Variants in ANKRD31 observed in about 807,000 individuals in gnomAD.
ANKRD31 encodes ankyrin repeat domain 31.
In ANKRD31, 147 loss-of-function variants were observed where a neutral mutation model predicts 186.0. The ratio of observed to expected loss-of-function variants is 0.79; its 90% CI spans 0.69 to 0.91. The LOEUF (loss-of-function observed/expected upper bound fraction) is 0.91, where lower values mean the gene tolerates loss of function less well. Among genes scored for constraint, ANKRD31 ranks in the 40% least tolerant of loss-of-function variants. The pLI is 0.00. For synonymous variants in ANKRD31, 673 were observed against 736.4 expected (o/e 0.91, Z 1.39); for missense variants, 1,986 against 2,148.8 (o/e 0.92, Z 1.50).
Position 75,104,275 on chromosome 5 carries a change from G to A in ANKRD31, c.5284C>T (p.Leu1762=). The change falls in exon 22 of 26, where the codon CTA becomes TTA. Residue 1762 remains leucine, a synonymous_variant. Transcript: ENST00000506364. Reference sequence around the variant, plus strand: ...TTATTTCCTGGGTTAATTCTTCCTAGTAATATCAAATCTTTTATCTGAATA... The same window carrying A: ...TTATTTCCTGGGTTAATTCTTCCTAATAATATCAAATCTTTTATCTGAATA... ...KCIQIKDLIL[L]GRINPGNNIL... is the part of the protein sequence containing the mutation. The A allele has an allele frequency of 3.9e-6, 6 of 1,531,332 alleles. No homozygotes were observed. The highest frequency in any genetic ancestry group is 5.2e-6 in the Non-Finnish European group (6 of 1,143,956). 94.9% of individuals were successfully genotyped at this position (1,531,332 alleles called of 1,614,324 possible). A position where few individuals can be genotyped will look rare whatever the true frequency, so the allele number is the denominator to read the frequency against.
At chr5:75,081,718 C>CACAG (rs149529586) in intron 24 of ANKRD31, among the ~76,000 whole-genome samples, 21 of 136,460 alleles carry the variant, frequency 1.5e-4, no homozygotes, top group Non-Finnish European at 2.7e-4. Flanking sequence ...GAGAGAGAGA[C>CACAG]AGAGAGAGAG....
At chr5:75,113,523 A>G (rs1747946047) in intron 19 of ANKRD31, among the ~76,000 whole-genome samples, 1 of 152,170 alleles carries the variant, frequency 6.6e-6, no homozygotes, top group African/African-American at 2.4e-5. Context: ...ATATGGTTTC[A>G]ACATTGTGGG....
rs536156544 is a variant in ANKRD31, at chr5:75,203,673, A to AGAAAAG, written c.403+2737_403+2738insCTTTTC. Among the ~76,000 whole-genome samples, 4 of 148,330 alleles carry AGAAAAG rather than the reference A, an allele frequency of 2.7e-5. No homozygotes were observed. In the East Asian group the frequency reaches 7.9e-4, roughly 29 times the overall value. ...GAGAGGATCCATCTCAAAAAAAAAA[A>AGAAAAG]AAAAGAAAAGAAAAGAAAAGAAAAG... On this transcript the variant is annotated intron_variant, in intron 5 of 25. Coordinates refer to ENST00000506364, the MANE Select transcript of ANKRD31 (RefSeq NM_001372053.1).
chr5:75,205,496 A>C (rs79322986), intron 5 of ANKRD31, among the ~76,000 whole-genome samples: 2,778 of 150,630 alleles, frequency 0.018, 37 homozygotes, highest in Non-Finnish European at 0.029. Flanking sequence ...ACCCTTTAAG[A>C]ATCCCTGGTT....
At chr5:75,106,541 C>A (rs904740254) in intron 21 of ANKRD31, among the ~76,000 whole-genome samples, 4 of 152,008 alleles carry the variant, frequency 2.6e-5, no homozygotes, top group African/African-American at 9.7e-5. Flanking sequence ...GGAGTTCAGA[C>A]ACAAAACTTA....
chr5:75,084,485 G>T, intron 23 of ANKRD31, 111 bp from the exon 24 acceptor site: 1 of 848,580 alleles, frequency 1.2e-6, no homozygotes, highest in Non-Finnish European at 1.9e-6. Context: ...GTATGTTGTG[G>T]ATTAGCAAGC....
At chr5:75,145,852 G>A in intron 14 of ANKRD31, 135 bp downstream of exon 14, 1 of 712,686 alleles carries the variant, frequency 1.4e-6, no homozygotes, top group East Asian at 2.9e-5. Flanking sequence ...AGGTTTAGTG[G>A]CATCTCAAAA....
intron 15 of ANKRD31, among the ~76,000 whole-genome samples, chr5:75,140,227 G>GA (rs1223495918): frequency 1.7e-4 from 20 of 115,576 alleles, no homozygotes; most frequent in Admixed American, 2.7e-4. Flanking sequence ...GAAAAGAAAA[G>GA]AAAGAAAGAA....
intron 10 of ANKRD31, among the ~76,000 whole-genome samples, chr5:75,178,279 A>C (rs1022054422): frequency 2.0e-5 from 3 of 152,214 alleles, no homozygotes; most frequent in Non-Finnish European, 4.4e-5. Context: ...CCACACATTA[A>C]TAATGGGAGA....
At chr5:75,173,084 T>C (rs1753477942) in intron 10 of ANKRD31, among the ~76,000 whole-genome samples, 1 of 152,144 alleles carries the variant, frequency 6.6e-6, no homozygotes, top group African/African-American at 2.4e-5. Flanking sequence ...TGGTTCAACA[T>C]ATGCAAATCA....
At chr5:75,139,035 T>C (rs1257802548) in intron 15 of ANKRD31, 52 bp from the exon 16 acceptor site, 1 of 1,521,314 alleles carries the variant, frequency 6.6e-7, no homozygotes, top group Non-Finnish European at 8.8e-7. Flanking sequence ...CTGATTGTTA[T>C]AAAGGATCTT....
At chr5:75,177,158 T>C (rs947429527) in intron 10 of ANKRD31, among the ~76,000 whole-genome samples, 5 of 151,712 alleles carry the variant, frequency 3.3e-5, no homozygotes, top group Non-Finnish European at 7.4e-5. Context: ...ATGAATGAAA[T>C]GAAGTGTGAA....
Position 75,146,452 on chromosome 5 carries a change from C to T in ANKRD31, c.2959G>A (p.Ala987Thr). 2.0e-6 allele frequency: 3 copies of T among 1,536,366 alleles called. No homozygotes were observed. The highest frequency in any genetic ancestry group is 2.6e-6 in the Non-Finnish European group (3 of 1,146,428). ...SDNAVISEHV[A>T]NYEQCIFGPS... ...CCAAATATGCATTGTTCATAATTTG[C>T]AACATGTTCAGAAATAACTGCATTA... The change falls in exon 14 of 26, where the codon GCA becomes ACA. Residue 987 changes from alanine to threonine, a missense_variant. Ala to Thr is a moderately conservative substitution (Grantham distance 58). Transcript: ENST00000506364.
chr5:75,222,492 T>A (rs1580588384), intron 2 of ANKRD31, 134 bp from the exon 3 acceptor site: 1 of 640,828 alleles, frequency 1.6e-6, no homozygotes, highest in South Asian at 2.2e-5. Context: ...TCATTTCTTC[T>A]AAAAAAAAAC....
intron 10 of ANKRD31, among the ~76,000 whole-genome samples, chr5:75,182,187 T>G (rs1036407886): frequency 6.6e-6 from 1 of 152,204 alleles, no homozygotes; most frequent in Non-Finnish European, 1.5e-5. Flanking sequence ...TTGTTTCTTA[T>G]AGAAGGTATG....
Position 75,146,455 on chromosome 5 carries a change from C to T in ANKRD31, c.2956G>A (p.Val986Ile). ...YSDNAVISEH[V>I]ANYEQCIFGP... ...AATATGCATTGTTCATAATTTGCAACATGTTCAGAAATAACTGCATTATCT... is the reference window on the plus strand; with the variant it reads ...AATATGCATTGTTCATAATTTGCAATATGTTCAGAAATAACTGCATTATCT... The change falls in exon 14 of 26, where the codon GTT becomes ATT. Residue 986 changes from valine to isoleucine, a missense_variant. Coordinates refer to ENST00000506364, the MANE Select transcript of ANKRD31 (RefSeq NM_001372053.1). 6.5e-7 allele frequency: 1 copy of T among 1,536,406 alleles called. No individual in the cohort carries two copies. Among genetic ancestry groups the T allele is most frequent in the Non-Finnish European group, 8.7e-7 (1 of 1,146,438 alleles).
chr5:75,173,052 C>A (rs1753474735), intron 10 of ANKRD31, among the ~76,000 whole-genome samples: 1 of 152,170 alleles, frequency 6.6e-6, no homozygotes, highest in East Asian at 1.9e-4. Context: ...ATCAAGTGTG[C>A]TTCATCACTG....
At chr5:75,087,450 C>T (rs1056491195) in intron 23 of ANKRD31, among the ~76,000 whole-genome samples, 14 of 151,680 alleles carry the variant, frequency 9.2e-5, no homozygotes, top group Non-Finnish European at 7.4e-5. Flanking sequence ...GACGCTGCAG[C>T]GAGCTGAGAT....
intron 25 of ANKRD31, among the ~76,000 whole-genome samples, chr5:75,069,693 C>T (rs558293618): frequency 6.6e-6 from 1 of 151,928 alleles, no homozygotes; most frequent in African/African-American, 2.4e-5. Flanking sequence ...TTATAGGTGC[C>T]TACCACCACA....
Sources: allele counts gnomAD v4.1 joint callset (sites outside exome capture counted in the v4.1 genomes callset), GRCh38; gene constraint gnomAD v4.1.1; transcripts MANE v1.5; gene names NCBI Gene and HGNC (gene_info 2026-07-23, HGNC 2026-07-21).